AGAP1: variants seen among roughly 807,000 people sequenced by gnomAD.
The protein encoded by AGAP1 is ArfGAP with GTPase domain, ankyrin repeat and PH domain 1.
Under a neutral mutation model 105.3 loss-of-function variants are expected in AGAP1, and 29 were observed. The observed-to-expected ratio is 0.28, with a 90% CI of 0.21 to 0.38. The LOEUF (loss-of-function observed/expected upper bound fraction) is 0.38, where lower values mean the gene tolerates loss of function less well. AGAP1 is among the 10% of genes least tolerant of loss of function. AGAP1 has a pLI of 1.00. For missense variants in AGAP1, 998 were observed against 1,165.1 expected, an observed-to-expected ratio of 0.86 and a Z score of 2.09; for synonymous variants, 509 against 485.9, an observed-to-expected ratio of 1.05 and a Z score of -0.63.
At chr2:235,925,140 G>A (rs1352679458) in intron 11 of AGAP1, among the ~76,000 whole-genome samples, 1 of 152,144 alleles carries the variant, frequency 6.6e-6, no homozygotes, top group Non-Finnish European at 1.5e-5. Context: ...GGCTTCCGGG[G>A]TAGAAGCTTC....
At chr2:236,088,582 T>G (rs146273244) in intron 16 of AGAP1, among the ~76,000 whole-genome samples, 5 of 152,240 alleles carry the variant, frequency 3.3e-5, no homozygotes, top group African/African-American at 1.2e-4. Flanking sequence ...CCAGGCAGAT[T>G]CATAGATGCT....
rs1951978172 is a variant in AGAP1, at chr2:235,732,015, T to A, written c.311-8948T>A. Among the ~76,000 whole-genome samples, 1 of 152,190 alleles carries A rather than the reference T, an allele frequency of 6.6e-6. No individual in the cohort carries two copies. Among genetic ancestry groups the A allele is most frequent in the Non-Finnish European group, 1.5e-5 (1 of 68,042 alleles). ...TTCTCCAGCACAAAAACCTGTGTGC[T>A]GTTTTTCTGCAGACCTTGGTTTTCT... On this transcript the variant is annotated intron_variant, in intron 3 of 17. Coordinates refer to ENST00000304032, the MANE Select transcript of AGAP1 (RefSeq NM_001037131.3). The surrounding 1 kb of genome is among the most constrained non-coding windows in gnomAD (Gnocchi z 4.8).
Position 235,960,707 on chromosome 2 carries a change from C to T in AGAP1, c.1484-7755C>T, listed in dbSNP as rs2054143741. ...ATTCTCTTCACTCTAGAAATCAGCC[C>T]CGTGGGACAGGGGTCTTGCCCTTTA... On this transcript the variant is annotated intron_variant, in intron 12 of 17. Transcript: ENST00000304032. The surrounding 1 kb of genome is among the most constrained non-coding windows in gnomAD (Gnocchi z 4.9). Among the ~76,000 whole-genome samples the T allele has an allele frequency of 6.6e-6, 1 of 152,208 alleles. No homozygotes were observed. Among genetic ancestry groups the T allele is most frequent in the Non-Finnish European group, 1.5e-5 (1 of 68,024 alleles).
At chr2:236,024,236 C>T (rs549285997) in intron 13 of AGAP1, among the ~76,000 whole-genome samples, 16 of 152,028 alleles carry the variant, frequency 1.1e-4, no homozygotes, top group African/African-American at 3.9e-4. Context: ...GGGGTTTCAC[C>T]ATGTTGCCCA....
intron 2 of AGAP1, among the ~76,000 whole-genome samples, chr2:235,711,098 C>T (rs1214387932): frequency 6.6e-6 from 1 of 152,242 alleles, no homozygotes; most frequent in Non-Finnish European, 1.5e-5. Context: ...CCTGACAGAA[C>T]TTTCTCGACG....
chr2:236,006,005 G>A (rs2056310423), intron 13 of AGAP1, among the ~76,000 whole-genome samples: 1 of 152,166 alleles, frequency 6.6e-6, no homozygotes, highest in East Asian at 1.9e-4. Flanking sequence ...AGGGTGGGGT[G>A]TCTATGTAAA....
At chr2:235,869,420 TAAAAAAAAAAAAAAAAAAAA>T (rs35813316) in intron 9 of AGAP1, among the ~76,000 whole-genome samples, 16 of 49,946 alleles carry the variant, frequency 3.2e-4, no homozygotes, top group Non-Finnish European at 5.2e-4. Context: ...CCATCTCTAC[TAAAAAAAAAAAAAAAAAAAA>T]AAAAAAAAAA....
At chr2:235,521,449 G>A (rs900379574) in intron 1 of AGAP1, among the ~76,000 whole-genome samples, 2 of 152,162 alleles carry the variant, frequency 1.3e-5, no homozygotes, top group South Asian at 2.1e-4. Flanking sequence ...TCACCTTGTC[G>A]TCTTCTCTTC....
chr2:236,066,965 A>G (rs959491518), intron 16 of AGAP1, among the ~76,000 whole-genome samples: 2 of 152,302 alleles, frequency 1.3e-5, no homozygotes. Context: ...TTGTTTATCT[A>G]CCAATGATAC....
chr2:235,704,969 C>CTTT (rs969370505), intron 1 of AGAP1, among the ~76,000 whole-genome samples: 654 of 59,722 alleles, frequency 0.011, 73 homozygotes, highest in East Asian at 0.026. Flanking sequence ...ATGCTTTTTT[C>CTTT]TTTTTTTTTT....
intron 6 of AGAP1, among the ~76,000 whole-genome samples, chr2:235,768,517 C>T (rs1955158461): frequency 6.6e-6 from 1 of 152,182 alleles, no homozygotes; most frequent in African/African-American, 2.4e-5. Context: ...GAGCCACATT[C>T]CCCTTAGGAG....
intron 9 of AGAP1, among the ~76,000 whole-genome samples, chr2:235,817,996 A>C (rs987754622): frequency 1.3e-5 from 2 of 152,258 alleles, no homozygotes; most frequent in Non-Finnish European, 2.9e-5. Flanking sequence ...GAAAACAGAA[A>C]CATTTCAAAA....
intron 1 of AGAP1, among the ~76,000 whole-genome samples, chr2:235,606,181 C>T (rs13425802): frequency 2.0e-5 from 3 of 152,152 alleles, no homozygotes; most frequent in Non-Finnish European, 4.4e-5. Flanking sequence ...CAGTGGCTTG[C>T]GTTCCATTGG....
chr2:235,606,902 C>T (rs1358048846), intron 1 of AGAP1, among the ~76,000 whole-genome samples: 2 of 138,024 alleles, frequency 1.4e-5, no homozygotes, highest in African/African-American at 5.6e-5. Context: ...GATCACGCCA[C>T]TGCACTCCAG....
At chr2:235,836,489 G>A (rs970585864) in intron 9 of AGAP1, among the ~76,000 whole-genome samples, 2 of 152,186 alleles carry the variant, frequency 1.3e-5, no homozygotes. Flanking sequence ...GGTTGCTTCA[G>A]AACCCAGTCA....
intron 1 of AGAP1, among the ~76,000 whole-genome samples, chr2:235,706,598 A>T (rs962802439): frequency 6.6e-6 from 1 of 152,150 alleles, no homozygotes; most frequent in African/African-American, 2.4e-5. Flanking sequence ...CCATCTCTGT[A>T]TCGCACCTGG....
chr2:235,805,558 T>C (rs28639658), intron 8 of AGAP1, among the ~76,000 whole-genome samples: 1 of 152,092 alleles, frequency 6.6e-6, no homozygotes, highest in Admixed American at 6.5e-5. Context: ...TAAAAAAAAA[T>C]TTTTTTAATG....
Position 236,073,995 on chromosome 2 carries a change from G to C in AGAP1, c.2114+24714G>C, listed in dbSNP as rs1245252203. Among the ~76,000 whole-genome samples the C allele has an allele frequency of 6.6e-6, 1 of 152,204 alleles. No individual in the cohort carries two copies. Among genetic ancestry groups the C allele is most frequent in the African/African-American group, 2.4e-5 (1 of 41,460 alleles). ...GGAGCACAGGTTCTCACCTGGGGCT[G>C]ATCTGCCCCCTGGGGACATTTGGAA... On this transcript the variant is annotated intron_variant, in intron 16 of 17. Coordinates refer to ENST00000304032, the MANE Select transcript of AGAP1 (RefSeq NM_001037131.3). The surrounding 1 kb of genome is among the most constrained non-coding windows in gnomAD (Gnocchi z 5.4).
chr2:235,514,687 T>C (rs1249701523), intron 1 of AGAP1, among the ~76,000 whole-genome samples: 1 of 152,264 alleles, frequency 6.6e-6, no homozygotes, highest in East Asian at 1.9e-4. Flanking sequence ...GCCTGCCACC[T>C]GGTGGCCTGT....
Sources: gnomAD v4.1 joint callset for allele counts (sites outside exome capture counted in the v4.1 genomes callset) on GRCh38, gnomAD v4.1.1 for gene constraint, Gnocchi (gnomAD v3.1) non-coding constraint, MANE v1.5 for transcripts, NCBI Gene and HGNC (gene_info 2026-07-23, HGNC 2026-07-21) for gene names.